Variants in SPATA7 observed in about 807,000 individuals in gnomAD.
SPATA7 encodes the protein spermatogenesis-associated protein 7.
In SPATA7, 43 loss-of-function variants were observed where a neutral mutation model predicts 51.8. The observed-to-expected ratio is 0.83, with a 90% CI of 0.65 to 1.07. The LOEUF is 1.07. Among genes scored for constraint, SPATA7 ranks in the 50% least tolerant of loss-of-function variants. The pLI is 0.00. For missense variants in SPATA7, 683 were observed against 701.3 expected (o/e 0.97, Z 0.30); for synonymous variants, 230 against 252.8 (o/e 0.91, Z 0.86).
chr14:88,389,701 C>T (rs564555475), intron 1 of SPATA7, among the ~76,000 whole-genome samples: 1 of 152,276 alleles, frequency 6.6e-6, no homozygotes, highest in Admixed American at 6.5e-5. Flanking sequence ...ATATTAACCA[C>T]CTTGTTCACA....
intron 4 of SPATA7, among the ~76,000 whole-genome samples, chr14:88,401,158 T>G (rs551648157): frequency 6.6e-6 from 1 of 152,298 alleles, no homozygotes; most frequent in African/African-American, 2.4e-5. Context: ...CATGACCAAG[T>G]CAGATTTATC....
chr14:88,467,228 G>A (rs1340661943), intron 4 of SPATA7: 2 of 152,112 alleles, frequency 1.3e-5, no homozygotes, highest in African/African-American at 2.4e-5. Context: ...CATTGTTATT[G>A]TGTCATCTAC....
At chr14:88,467,054 G>T (rs534688837) in intron 4 of SPATA7, 1 of 152,092 alleles carries the variant, frequency 6.6e-6, no homozygotes, top group African/African-American at 2.4e-5. Flanking sequence ...AGTGCTGTGG[G>T]GTCCCCTGCT....
At chr14:88,426,803 A>T in intron 6 of SPATA7, 99 bp downstream of exon 6, 2 of 1,068,956 alleles carry the variant, frequency 1.9e-6, no homozygotes, top group Non-Finnish European at 1.4e-6. Flanking sequence ...TTAAGATCTG[A>T]TAGTGCCCTT....
At chr14:88,448,077 T>C (rs1253255125) in intron 3 of SPATA7, among the ~76,000 whole-genome samples, 1 of 152,170 alleles carries the variant, frequency 6.6e-6, no homozygotes, top group Non-Finnish European at 1.5e-5. Context: ...TCTTGCAGAG[T>C]GTTTTCCAAC....
chr14:88,437,611 T>C lies in SPATA7; in HGVS notation c.1215+14T>C, dbSNP rs761025747. On this transcript the variant is annotated intron_variant, in intron 11 of 11. Transcript: ENST00000393545. ...CATTTGGAGGAGGTTTGTCTTTCCT[T>C]ATAACTTCATTAGAAAAATTATAAT... 22 of 1,580,054 alleles carry C rather than the reference T, an allele frequency of 1.4e-5. No individual in the cohort carries two copies. In the East Asian group the frequency reaches 4.9e-4, roughly 35 times the overall value.
chr14:88,438,768 G>T (rs995733263), downstream of SPATA7, among the ~76,000 whole-genome samples: 2 of 152,206 alleles, frequency 1.3e-5, no homozygotes, highest in African/African-American at 4.8e-5. Context: ...GTGGCTAGAG[G>T]CTGCCTATAG....
At chr14:88,439,976 A>G (rs921062749), downstream of SPATA7, among the ~76,000 whole-genome samples, 1 of 152,026 alleles carries the variant, frequency 6.6e-6, no homozygotes, top group Non-Finnish European at 1.5e-5. Context: ...AAACCTCCTG[A>G]AATAACCTTG....
At chr14:88,410,421 T>G (rs1299511029) in intron 4 of SPATA7, among the ~76,000 whole-genome samples, 1 of 152,026 alleles carries the variant, frequency 6.6e-6, no homozygotes, top group African/African-American at 2.4e-5. Context: ...AACCCCTGCG[T>G]TTTTTGTTCC....
intron 3 of SPATA7, among the ~76,000 whole-genome samples, chr14:88,450,362 G>T (rs59488594): frequency 0.038 from 5,749 of 150,476 alleles, 350 homozygotes; most frequent in African/African-American, 0.13. Flanking sequence ...AATACCTTAG[G>T]TTTTTTTTTC....
chr14:88,467,804 C>A, intron 4 of SPATA7: 1 of 237,498 alleles, frequency 4.2e-6, no homozygotes, highest in Non-Finnish European at 8.1e-6. Context: ...TAATGATTGC[C>A]AGAATTGCCC....
At chr14:88,387,049 C>T (rs1409885741) in intron 1 of SPATA7, among the ~76,000 whole-genome samples, 2 of 152,146 alleles carry the variant, frequency 1.3e-5, no homozygotes, top group Non-Finnish European at 2.9e-5. Context: ...ACAAAAATAC[C>T]TTGATAGGCA....
At chr14:88,400,044 A>G (rs926625861) in intron 4 of SPATA7, among the ~76,000 whole-genome samples, 5 of 152,240 alleles carry the variant, frequency 3.3e-5, no homozygotes, top group South Asian at 2.1e-4. Context: ...TCAAGTGCAC[A>G]TGAAACCTTC....
chr14:88,417,896 T>C (rs1035919880), intron 5 of SPATA7, among the ~76,000 whole-genome samples: 1 of 152,190 alleles, frequency 6.6e-6, no homozygotes, highest in Non-Finnish European at 1.5e-5. Context: ...GTTTATTTGT[T>C]CCTTAAATTT....
chr14:88,449,495 A>G (rs1352098726), intron 3 of SPATA7, among the ~76,000 whole-genome samples: 1 of 152,128 alleles, frequency 6.6e-6, no homozygotes, highest in Non-Finnish European at 1.5e-5. Flanking sequence ...GTGGCCTATC[A>G]TATATGGTCT....
chr14:88,394,071 TA>T (rs972477184), intron 3 of SPATA7, among the ~76,000 whole-genome samples: 2 of 152,098 alleles, frequency 1.3e-5, no homozygotes, highest in Admixed American at 1.3e-4. Flanking sequence ...GCAAAAAATT[TA>T]AAAAAAAGTA....
At chr14:88,443,371 C>T (rs993391313), downstream of SPATA7, among the ~76,000 whole-genome samples, 6 of 152,166 alleles carry the variant, frequency 3.9e-5, no homozygotes, top group South Asian at 8.3e-4. Flanking sequence ...TCCATCTCCT[C>T]TAGGTTTTCT....
At chr14:88,390,741 C>A (rs907119368) in intron 1 of SPATA7, among the ~76,000 whole-genome samples, 6 of 152,124 alleles carry the variant, frequency 3.9e-5, no homozygotes, top group African/African-American at 1.4e-4. Flanking sequence ...AGTCACAGTT[C>A]TTTCTATCTG....
intron 4 of SPATA7, among the ~76,000 whole-genome samples, chr14:88,468,713 G>GT (rs1187126230): frequency 6.6e-6 from 1 of 152,084 alleles, no homozygotes; most frequent in Non-Finnish European, 1.5e-5. Context: ...TTTATTTATC[G>GT]TATGACTTCT....
Sources: allele counts gnomAD v4.1 joint callset (sites outside exome capture counted in the v4.1 genomes callset), GRCh38; gene constraint gnomAD v4.1.1; transcripts MANE v1.5; gene names NCBI Gene and HGNC (gene_info 2026-07-23, HGNC 2026-07-21).